The following RNF34 variants were observed in gnomAD, a reference collection of about 807,000 sequenced individuals.
The protein encoded by RNF34 is ring finger protein 34.
In RNF34, 12 loss-of-function variants were observed where a neutral mutation model predicts 37.9. The ratio of observed to expected loss-of-function variants is 0.32; its 90% CI spans 0.20 to 0.51. The LOEUF is 0.51. RNF34 is among the 20% of genes least tolerant of loss of function. The pLI is 0.97. For missense variants in RNF34, 362 were observed against 472.7 expected, an observed-to-expected ratio of 0.77 and a Z score of 2.17; for synonymous variants, 155 against 177.2, an observed-to-expected ratio of 0.87 and a Z score of 1.00.
chr12:121,423,875 G>C lies in RNF34; in HGVS notation c.*299G>C. On this transcript the variant is annotated 3_prime_UTR_variant, in exon 6 of 6. Transcript: ENST00000361234. The surrounding 1 kb of genome is among the most constrained non-coding windows in gnomAD (Gnocchi z 4.3). ...TGGGCATCAGCCACTGCTGTCTTGG[G>C]AGGACACTTATCCTGTTCTCTTATT... 5.8e-6 allele frequency: 2 copies of C among 342,446 alleles called. No individual in the cohort carries two copies. Among genetic ancestry groups the C allele is most frequent in the Non-Finnish European group, 1.1e-5 (2 of 184,084 alleles). 21.2% of individuals were successfully genotyped at this position (342,446 alleles called of 1,614,324 possible).
At chr12:121,410,280 T>G (rs1870928094) in intron 1 of RNF34, among the ~76,000 whole-genome samples, 1 of 152,136 alleles carries the variant, frequency 6.6e-6, no homozygotes, top group Non-Finnish European at 1.5e-5. Context: ...GGCTCATGCC[T>G]GTAATCCCAG....
intron 3 of RNF34, chr12:121,418,369 A>G (rs782052357): frequency 2.2e-4 from 35 of 158,932 alleles, no homozygotes; most frequent in Non-Finnish European, 2.8e-4. Flanking sequence ...TGAATTAGTG[A>G]AAAAATGTAG....
intron 2 of RNF34, among the ~76,000 whole-genome samples, chr12:121,416,799 A>G (rs1350222409): frequency 6.6e-6 from 1 of 152,234 alleles, no homozygotes; most frequent in Non-Finnish European, 1.5e-5. Flanking sequence ...TTCAACATCA[A>G]ATACTTAGCT....
chr12:121,403,125 G>A (rs1266024011), intron 1 of RNF34, among the ~76,000 whole-genome samples: 3 of 152,192 alleles, frequency 2.0e-5, no homozygotes, highest in Admixed American at 6.5e-5. Context: ...GGCCGGGCGC[G>A]GTGGCTCACG....
chr12:121,409,994 A>G (rs1340525827), intron 1 of RNF34, among the ~76,000 whole-genome samples: 1 of 151,912 alleles, frequency 6.6e-6, no homozygotes, highest in Non-Finnish European at 1.5e-5. Flanking sequence ...TGCCTCTACT[A>G]AAAATACAAA....
chr12:121,422,975 G>A (rs1387487671), intron 5 of RNF34, among the ~76,000 whole-genome samples: 1 of 152,164 alleles, frequency 6.6e-6, no homozygotes, highest in Non-Finnish European at 1.5e-5. Context: ...GGTGTTCCCA[G>A]GGCTACAAAG....
chr12:121,400,311 A>C, intron 1 of RNF34, 93 bp downstream of exon 1: 1 of 1,444,782 alleles, frequency 6.9e-7, no homozygotes, highest in Non-Finnish European at 9.4e-7. Context: ...CTTAGCGGTT[A>C]CCTAGTCGTC....
rs542350542 is a variant in RNF34, at chr12:121,413,346, C to T, written c.7-2813C>T. On this transcript the variant is annotated intron_variant, in intron 1 of 5. Transcript: ENST00000361234. ...CTGGCCAGATTTTCATGCTTTTAAG[C>T]ACACCATGGCTGTAGAGTTTGAGGT... 7.9e-5 allele frequency among the ~76,000 whole-genome samples: 12 copies of T among 151,156 alleles called. No individual in the cohort carries two copies. In the South Asian group the frequency reaches 2.3e-3, roughly 29 times the overall value.
intron 2 of RNF34, 163 bp downstream of exon 2, chr12:121,416,540 A>G (rs1450954883): frequency 8.5e-6 from 5 of 591,398 alleles, no homozygotes; most frequent in African/African-American, 1.9e-5. Flanking sequence ...TGGAGGGATT[A>G]TATTACTGCT....
At chr12:121,405,764 G>C in intron 1 of RNF34, among the ~76,000 whole-genome samples, 1 of 148,210 alleles carries the variant, frequency 6.7e-6, no homozygotes, top group Admixed American at 6.7e-5. Flanking sequence ...GATCACAGGC[G>C]TGAGCCACCG....
rs782252587 is a variant in RNF34, at chr12:121,423,399, G to A, written c.942G>A (p.Leu314=). ...EENQKSYGER[L]QLQDEEDDSL... ...GTTGCCTTTCAGATGGCGAGCGGCT[G>A]CAGCTGCAGGATGAGGAAGACGACA... The change falls in exon 6 of 6, where the codon CTG becomes CTA. Residue 314 remains leucine, a synonymous_variant. Coordinates refer to ENST00000361234, the MANE Select transcript of RNF34 (RefSeq NM_025126.4). This position sits in a 1 kb window ranked among gnomAD's most constrained non-coding sequence, Gnocchi z 4.3. 4 of 1,607,416 alleles carry A rather than the reference G, an allele frequency of 2.5e-6. No individual in the cohort carries two copies. In the South Asian group the frequency reaches 3.3e-5, roughly 13 times the overall value.
chr12:121,403,428 G>T (rs1555280276), intron 1 of RNF34, among the ~76,000 whole-genome samples: 1 of 151,006 alleles, frequency 6.6e-6, no homozygotes, highest in East Asian at 1.9e-4. Context: ...AAAAAAAAAG[G>T]ATAAAGATTT....
intron 1 of RNF34, among the ~76,000 whole-genome samples, chr12:121,403,396 CA>C (rs1249703308): frequency 2.1e-4 from 18 of 84,572 alleles, no homozygotes; most frequent in African/African-American, 4.4e-4. Flanking sequence ...ACTCTGTCTC[CA>C]AAAAAAAAAA....
chr12:121,417,725 C>T lies in RNF34; in HGVS notation c.447C>T (p.Cys149=). ...AAGACTTGGTGGATCTAGTACTGTG[C>T]CATCATGGACTAGGCTCTGAGGACG... ...EKEDLVDLVL[C]HHGLGSEDDM... Residue 149 remains cysteine (C), a synonymous_variant, in exon 3 of 6, where the codon TGC becomes TGT. Transcript: ENST00000361234. This position sits in a 1 kb window ranked among gnomAD's most constrained non-coding sequence, Gnocchi z 5.0. 2 of 1,614,088 alleles carry T rather than the reference C, an allele frequency of 1.2e-6. No homozygotes were observed. The highest frequency in any genetic ancestry group is 1.7e-6 in the Non-Finnish European group (2 of 1,179,978).
At chr12:121,422,518 G>A (rs114285155) in intron 5 of RNF34, among the ~76,000 whole-genome samples, 4,818 of 152,240 alleles carry the variant, frequency 0.032, 270 homozygotes, top group African/African-American at 0.11. Flanking sequence ...ACCAGTAGTC[G>A]TGGGCCATGA....
intron 1 of RNF34, among the ~76,000 whole-genome samples, chr12:121,415,949 A>G (rs1190006705): frequency 2.0e-5 from 3 of 151,602 alleles, no homozygotes; most frequent in Non-Finnish European, 2.9e-5. Context: ...TTTGTTAAAC[A>G]AGAGATCATG....
rs1872361040 is a variant in RNF34, at chr12:121,423,697, C to G, written c.*121C>G. ...CTATTTTAAAACATTATTTTGACTA[C>G]TAAGTGGGGACAGAAAGATCCATCC... On this transcript the variant is annotated 3_prime_UTR_variant, in exon 6 of 6. Transcript: ENST00000361234. This position sits in a 1 kb window ranked among gnomAD's most constrained non-coding sequence, Gnocchi z 4.3. The G allele has an allele frequency of 2.4e-6, 2 of 845,410 alleles. No homozygotes were observed. Among genetic ancestry groups the G allele is most frequent in the Admixed American group, 5.3e-5 (2 of 38,052 alleles). The allele number at this position is 845,410 out of a possible 1,614,324, so 52.4% of individuals were successfully genotyped here.
chr12:121,400,179 T>A lies in RNF34; in HGVS notation c.-34T>A. 6.2e-7 allele frequency: 1 copy of A among 1,606,340 alleles called. No homozygotes were observed. The highest frequency in any genetic ancestry group is 8.5e-7 in the Non-Finnish European group (1 of 1,178,268). Reference sequence around the variant, plus strand: ...GGAGCTGCTATGGTGCTGAGTTTCCTGGTAGAGCCGGCCGAGCTGAGGCGG... The same window carrying A: ...GGAGCTGCTATGGTGCTGAGTTTCCAGGTAGAGCCGGCCGAGCTGAGGCGG... On this transcript the variant is annotated 5_prime_UTR_variant, in exon 1 of 6. Coordinates refer to ENST00000361234, the MANE Select transcript of RNF34 (RefSeq NM_025126.4).
chr12:121,400,161 C>T lies in RNF34; in HGVS notation c.-52C>T. 3 of 1,599,738 alleles carry T rather than the reference C, an allele frequency of 1.9e-6. No homozygotes were observed. The highest frequency in any genetic ancestry group is 2.6e-6 in the Non-Finnish European group (3 of 1,175,802). ...AGGAGGTCGGCAGTGTGAGGAGCTGCTATGGTGCTGAGTTTCCTGGTAGAG... is the reference window on the plus strand; with the variant it reads ...AGGAGGTCGGCAGTGTGAGGAGCTGTTATGGTGCTGAGTTTCCTGGTAGAG... On this transcript the variant is annotated 5_prime_UTR_variant, in exon 1 of 6. Coordinates refer to ENST00000361234, the MANE Select transcript of RNF34 (RefSeq NM_025126.4).
Sources: allele counts gnomAD v4.1 joint callset (sites outside exome capture counted in the v4.1 genomes callset), GRCh38; gene constraint gnomAD v4.1.1; non-coding constraint Gnocchi (gnomAD v3.1); transcripts MANE v1.5; gene names NCBI Gene and HGNC (gene_info 2026-07-23, HGNC 2026-07-21).